The following OR1J2 variants were observed in gnomAD, a reference collection of about 807,000 sequenced individuals.
The protein encoded by OR1J2 is olfactory receptor family 1 subfamily J member 2, also known as olfactory receptor 1J2.
For synonymous variants in OR1J2, 142 were observed against 99.7 expected (o/e 1.42, Z -2.52); for missense variants, 304 against 246.1 (o/e 1.24, Z -1.57).
At chr9:122,482,210 T>G in the OR1J2 span, among the ~76,000 whole-genome samples, 27 of 152,064 alleles carry the variant, frequency 1.8e-4, no homozygotes, top group African/African-American at 6.5e-4. Context: ...ATGTGCAAAA[T>G]ACCTGAATAC....
At chr9:122,494,273 G>T in the OR1J2 span, among the ~76,000 whole-genome samples, 1 of 152,170 alleles carries the variant, frequency 6.6e-6, no homozygotes, top group African/African-American at 2.4e-5. Context: ...AGTGCTGTCA[G>T]TGGAGTGTTA....
chr9:122,576,912 T>C, the OR1J2 span: 1 of 152,202 alleles, frequency 6.6e-6, no homozygotes, highest in Non-Finnish European at 1.5e-5. Context: ...CTAAAAAGAA[T>C]GTTGATTTTT....
At chr9:122,566,652 C>T in the OR1J2 span, among the ~76,000 whole-genome samples, 1 of 152,166 alleles carries the variant, frequency 6.6e-6, no homozygotes, top group Non-Finnish European at 1.5e-5. Flanking sequence ...CTATTATAAA[C>T]TGGGATTTCC....
the OR1J2 span, among the ~76,000 whole-genome samples, chr9:122,530,403 G>T: frequency 6.6e-6 from 1 of 152,202 alleles, no homozygotes; most frequent in Non-Finnish European, 1.5e-5. Context: ...GAGGCTAAAC[G>T]TACTACACTT....
the OR1J2 span, among the ~76,000 whole-genome samples, chr9:122,494,009 T>G: frequency 6.6e-6 from 1 of 152,170 alleles, no homozygotes; most frequent in African/African-American, 2.4e-5. Context: ...CCTTTTGGAG[T>G]TGATTTCCAA....
chr9:122,460,552 C>T, the OR1J2 span, among the ~76,000 whole-genome samples: 3 of 152,044 alleles, frequency 2.0e-5, no homozygotes, highest in African/African-American at 7.2e-5. Flanking sequence ...TGTAATGCCT[C>T]CAGATTTGTT....
chr9:122,567,638 A>C, the OR1J2 span: 1 of 1,614,068 alleles, frequency 6.2e-7, no homozygotes, highest in South Asian at 1.1e-5. Flanking sequence ...TGGATGACAA[A>C]ACTGTGTAAA....
chr9:122,529,389 G>C, the OR1J2 span, among the ~76,000 whole-genome samples: 1 of 152,202 alleles, frequency 6.6e-6, no homozygotes, highest in Non-Finnish European at 1.5e-5. Context: ...GGGACAGTAA[G>C]TTATTTTAGG....
the OR1J2 span, among the ~76,000 whole-genome samples, chr9:122,468,633 C>T: frequency 6.6e-6 from 1 of 152,076 alleles, no homozygotes; most frequent in Non-Finnish European, 1.5e-5. Context: ...CTACAGTTGA[C>T]AACTGGATCC....
At chr9:122,553,577 ATAT>A in the OR1J2 span, 1 of 1,614,100 alleles carries the variant, frequency 6.2e-7, no homozygotes, top group South Asian at 1.1e-5. Context: ...CTGTGATGGC[ATAT>A]GACCGCTATG....
At chr9:122,526,430 A>G in the OR1J2 span, 13 of 1,522,554 alleles carry the variant, frequency 8.5e-6, no homozygotes, top group East Asian at 2.3e-4. Context: ...TCCTTAGGCT[A>G]TAGATAAAGG....
the OR1J2 span, among the ~76,000 whole-genome samples, chr9:122,574,262 C>A: frequency 1.3e-5 from 2 of 152,016 alleles, no homozygotes; most frequent in African/African-American, 4.8e-5. Context: ...GGATTTTGAT[C>A]GGTATTGCAT....
At chr9:122,508,866 G>C (rs1050806424), upstream of OR1J2, among the ~76,000 whole-genome samples, 98 of 152,210 alleles carry the variant, frequency 6.4e-4, no homozygotes, top group African/African-American at 2.2e-3. Flanking sequence ...ATGGGTATCA[G>C]TGGGTTAAAA....
At chr9:122,567,505 A>AG in the OR1J2 span, 3 of 1,404,134 alleles carry the variant, frequency 2.1e-6, no homozygotes, top group Middle Eastern at 5.5e-4. Context: ...AACACGTCCA[A>AG]GTTGAGCAGA....
At chr9:122,499,337 GCTCA>G in the OR1J2 span, among the ~76,000 whole-genome samples, 2 of 152,238 alleles carry the variant, frequency 1.3e-5, no homozygotes, top group African/African-American at 2.4e-5. Flanking sequence ...GAGAGTAAGG[GCTCA>G]GATCCCTGGA....
chr9:122,490,530 TAGA>T, the OR1J2 span, among the ~76,000 whole-genome samples: 5 of 152,032 alleles, frequency 3.3e-5, no homozygotes, highest in Non-Finnish European at 5.9e-5. Flanking sequence ...AGTAGGCTTG[TAGA>T]AAGTTACAAG....
At chr9:122,568,558 A>G in the OR1J2 span, 1 of 833,314 alleles carries the variant, frequency 1.2e-6, no homozygotes, top group Non-Finnish European at 1.9e-6. Flanking sequence ...AGAACCTAGC[A>G]AGTCTTTGTT....
chr9:122,479,390 G>A, the OR1J2 span, among the ~76,000 whole-genome samples: 8 of 152,218 alleles, frequency 5.3e-5, no homozygotes, highest in East Asian at 7.7e-4. Flanking sequence ...CCAGTCTCTC[G>A]GCCTTTGTGT....
At chr9:122,535,834 C>T in the OR1J2 span, among the ~76,000 whole-genome samples, 5 of 151,800 alleles carry the variant, frequency 3.3e-5, no homozygotes, top group Admixed American at 6.6e-5. Context: ...TGGGCTGAGT[C>T]GGAAAAGGGA....
Sources: allele counts gnomAD v4.1 joint callset (sites outside exome capture counted in the v4.1 genomes callset), GRCh38; gene constraint gnomAD v4.1.1; transcripts MANE v1.5; gene names NCBI Gene and HGNC (gene_info 2026-07-23, HGNC 2026-07-21).